The following DVL3 variants were observed in gnomAD, a reference collection of about 807,000 sequenced individuals.
DVL3 encodes segment polarity protein dishevelled homolog DVL-3.
Under a neutral mutation model 67.4 loss-of-function variants are expected in DVL3, and 27 were observed. The observed-to-expected ratio is 0.40, with a 90% CI of 0.30 to 0.55. The LOEUF (loss-of-function observed/expected upper bound fraction) is 0.55, where lower values mean the gene tolerates loss of function less well. Among genes scored for constraint, DVL3 ranks in the 20% least tolerant of loss-of-function variants. DVL3 has a pLI of 0.46. For synonymous variants in DVL3, 369 were observed against 396.8 expected (o/e 0.93, Z 0.83); for missense variants, 819 against 1,021.5 (o/e 0.80, Z 2.70).
intron 1 of DVL3, among the ~76,000 whole-genome samples, chr3:184,156,177 C>A (rs753723397): frequency 9.9e-5 from 15 of 152,180 alleles, no homozygotes; most frequent in Non-Finnish European, 1.6e-4. Context: ...TTTTTCCGCA[C>A]AGACTTGGGT....
chr3:184,163,778 G>A lies in DVL3; in HGVS notation c.231+52G>A, dbSNP rs774688011. The A allele has an allele frequency of 1.8e-5, 27 of 1,509,328 alleles. No homozygotes were observed. Among genetic ancestry groups the A allele is most frequent in the Admixed American group, 1.2e-4 (7 of 59,268 alleles). The allele number at this position is 1,509,328 out of a possible 1,614,324, so 93.5% of individuals were successfully genotyped here. ...CCTGCATCCCTGTGCTGGGCTGGAC[G>A]AGGGAAAGGCATCACTGAGATTGTA... On this transcript the variant is annotated intron_variant, in intron 2 of 14. Transcript: ENST00000313143. This position sits in a 1 kb window ranked among gnomAD's most constrained non-coding sequence, Gnocchi z 4.5.
At chr3:184,157,815 G>A (rs532355742) in intron 1 of DVL3, among the ~76,000 whole-genome samples, 1 of 152,274 alleles carries the variant, frequency 6.6e-6, no homozygotes, top group Admixed American at 6.5e-5. Flanking sequence ...GGAGGAGATG[G>A]ATTCTGTTTG....
In DVL3 at chr3:184,155,804, T is replaced by A. The variant is rs765408477; in HGVS notation, c.161+8T>A. 3 of 1,602,264 alleles carry A rather than the reference T, an allele frequency of 1.9e-6. No homozygotes were observed. The highest frequency in any genetic ancestry group is 2.7e-5 in the African/African-American group (2 of 74,452). On this transcript the variant is annotated splice_region_variant and intron_variant, in intron 1 of 14. Transcript: ENST00000313143. This position sits in a 1 kb window ranked among gnomAD's most constrained non-coding sequence, Gnocchi z 5.4. The stretch of plus-strand genomic sequence containing the variant: ...TATGGACGACGATTTCGGGTGAGGA[T>A]GGCCCCCGCCCCGCCTCCGGGAGCC...
Position 184,167,530 on chromosome 3 carries a change from C to G in DVL3, c.1199-50C>G. The G allele has an allele frequency of 1.3e-6, 2 of 1,572,996 alleles. No homozygotes were observed. The highest frequency in any genetic ancestry group is 1.1e-5 in the South Asian group (1 of 89,674). On this transcript the variant is annotated intron_variant, in intron 11 of 14. Transcript: ENST00000313143. The surrounding 1 kb of genome is among the most constrained non-coding windows in gnomAD (Gnocchi z 4.6). ...GAGCTAGAATGCAAACTCTTGTTTA[C>G]CTAACTCCAAAGCCCCTTTCTGCCT... is the stretch of plus-strand genomic sequence containing the variant.
intron 13 of DVL3, among the ~76,000 whole-genome samples, chr3:184,168,613 C>T (rs1382652209): frequency 6.6e-6 from 1 of 152,096 alleles, no homozygotes; most frequent in African/African-American, 2.4e-5. Context: ...GCTGCAGGCT[C>T]CACAGGCAGC....
At chr3:184,162,626 C>G (rs1324864118) in intron 1 of DVL3, among the ~76,000 whole-genome samples, 2 of 139,066 alleles carry the variant, frequency 1.4e-5, no homozygotes, top group African/African-American at 5.4e-5. Context: ...GTGGCGTGAT[C>G]TCAGCTCACT....
Position 184,171,475 on chromosome 3 carries a change from C to G in DVL3, c.*720C>G. Reference sequence around the variant, plus strand: ...GTGCTGGTTCCTTCAGACCCCTAACCCTACTAACCAGCAGGCTCATCTCAC... The same window carrying G: ...GTGCTGGTTCCTTCAGACCCCTAACGCTACTAACCAGCAGGCTCATCTCAC... On this transcript the variant is annotated 3_prime_UTR_variant, in exon 15 of 15. Transcript: ENST00000313143. 1.0e-6 allele frequency: 1 copy of G among 986,072 alleles called. No homozygotes were observed. The highest frequency in any genetic ancestry group is 1.2e-6 in the Non-Finnish European group (1 of 830,106). 61.1% of individuals were successfully genotyped at this position (986,072 alleles called of 1,614,324 possible). A position where few individuals can be genotyped will look rare whatever the true frequency, so the allele number is the denominator to read the frequency against.
rs921252043 is a variant in DVL3 at position 184,165,074 on chromosome 3, C to G, written c.600-39C>G. Reference sequence around the variant, plus strand: ...AGTGCCTCCCCTCATGGGGGCAGGGCTGGGCCAGCCTGGTGGGGAACGACT... The same window carrying G: ...AGTGCCTCCCCTCATGGGGGCAGGGGTGGGCCAGCCTGGTGGGGAACGACT... On this transcript the variant is annotated intron_variant, in intron 5 of 14. Transcript: ENST00000313143. The surrounding 1 kb of genome is among the most constrained non-coding windows in gnomAD (Gnocchi z 4.1). The G allele has an allele frequency of 6.2e-7, 1 of 1,613,198 alleles. No individual in the cohort carries two copies. Among genetic ancestry groups the G allele is most frequent in the Non-Finnish European group, 8.5e-7 (1 of 1,179,538 alleles).
At position 184,165,207 on chromosome 3, in the gene DVL3, G is replaced by C. The variant is rs113479634; in HGVS notation, c.693+1G>C. ...GCAGAAGGTTTCTCGGATTGAGCGG[G>C]TATGGGGTCTGGGAGGCTAGGGATG... On this transcript the variant is annotated splice_donor_variant, in intron 6 of 14. Coordinates refer to ENST00000313143, the MANE Select transcript of DVL3 (RefSeq NM_004423.4). LOFTEE classifies it high-confidence loss of function. The surrounding 1 kb of genome is among the most constrained non-coding windows in gnomAD (Gnocchi z 4.1). The C allele has an allele frequency of 6.3e-7, 1 of 1,590,224 alleles. No homozygotes were observed. The highest frequency in any genetic ancestry group is 8.6e-7 in the Non-Finnish European group (1 of 1,167,238).
Position 184,156,486 on chromosome 3 carries a change from G to T in DVL3, c.161+690G>T. On this transcript the variant is annotated intron_variant, in intron 1 of 14. Coordinates refer to ENST00000313143, the MANE Select transcript of DVL3 (RefSeq NM_004423.4). ...CTCCAATTCGGGCTTTTTTCCTCCA[G>T]TTGGTGGCCAGTGGAGAGACGTTAG... 4 of 456,720 alleles carry T rather than the reference G, an allele frequency of 8.8e-6. No individual in the cohort carries two copies. The Admixed American group carries it at 9.4e-5, about 11-fold the overall frequency. 28.3% of individuals were successfully genotyped at this position (456,720 alleles called of 1,614,324 possible). A position where few individuals can be genotyped will look rare whatever the true frequency, so the allele number is the denominator to read the frequency against.
chr3:184,164,460 G>T lies in DVL3; in HGVS notation c.354-32G>T, dbSNP rs770288075. 5.6e-6 allele frequency: 9 copies of T among 1,598,574 alleles called. No individual in the cohort carries two copies. The highest frequency in any genetic ancestry group is 1.1e-5 in the South Asian group (1 of 89,440). ...GGCTGGGGGAGGGAGCCCCCAGCCT[G>T]CCCCCTCCCCCATCAAGTCTCTTCC... On this transcript the variant is annotated intron_variant, in intron 3 of 14. Coordinates refer to ENST00000313143, the MANE Select transcript of DVL3 (RefSeq NM_004423.4). This position sits in a 1 kb window ranked among gnomAD's most constrained non-coding sequence, Gnocchi z 5.3.
chr3:184,171,031 C>A lies in DVL3; in HGVS notation c.*276C>A, dbSNP rs1183570915. 7.2e-7 allele frequency: 1 copy of A among 1,388,104 alleles called. No homozygotes were observed. The highest frequency in any genetic ancestry group is 9.4e-7 in the Non-Finnish European group (1 of 1,061,230). 86.0% of individuals were successfully genotyped at this position (1,388,104 alleles called of 1,614,324 possible). Reference sequence around the variant, plus strand: ...GACCCCTTTTGTCTCTGGGACCAGACTTGTTGGTGCTACCCCTTACTCCCC... The same window carrying A: ...GACCCCTTTTGTCTCTGGGACCAGAATTGTTGGTGCTACCCCTTACTCCCC... On this transcript the variant is annotated 3_prime_UTR_variant, in exon 15 of 15. Transcript: ENST00000313143.
Position 184,166,911 on chromosome 3 carries a change from C to A in DVL3, c.1134C>A (p.Ser378Arg), listed in dbSNP as rs758989600. ...MTGTFPAYGM[S>R]PSLSTITSTS... ...GCACCTTCCCTGCATACGGCATGAG[C>A]CCCTCCCTGAGCACCATCACCTCCA... The change falls in exon 11 of 15, where the codon AGC becomes AGA. Residue 378 changes from serine to arginine, a missense_variant. Physicochemically the swap from Ser to Arg is moderately radical, Grantham distance 110. Around this residue, in one of 3 missense-constraint regions of DVL3, gnomAD observed 110 missense variants for 203.4 expected, o/e 0.54. Coordinates refer to ENST00000313143, the MANE Select transcript of DVL3 (RefSeq NM_004423.4). The surrounding 1 kb of genome is among the most constrained non-coding windows in gnomAD (Gnocchi z 6.7). The A allele has an allele frequency of 1.2e-6, 2 of 1,614,052 alleles. No individual in the cohort carries two copies. The highest frequency in any genetic ancestry group is 2.7e-5 in the African/African-American group (2 of 74,888).
rs772430635 is a variant in DVL3 at position 184,164,340 on chromosome 3, C to T, written c.305C>T (p.Pro102Leu). 1.2e-6 allele frequency: 2 copies of T among 1,614,140 alleles called. No homozygotes were observed. Among genetic ancestry groups the T allele is most frequent in the Non-Finnish European group, 1.7e-6 (2 of 1,179,992 alleles). Residue 102 changes from proline (P) to leucine (L), a missense_variant, in exon 3 of 15, where the codon CCT becomes CTT. Transcript: ENST00000313143. This position sits in a 1 kb window ranked among gnomAD's most constrained non-coding sequence, Gnocchi z 5.3. Reference sequence around the variant, plus strand: ...GATAACCCATCGGAGCTGCCACCACCTATGGAGCGCACGGGAGGCATCGGG... The same window carrying T: ...GATAACCCATCGGAGCTGCCACCACTTATGGAGCGCACGGGAGGCATCGGG... ...CADNPSELPP[P>L]MERTGGIGDS...
rs768782292 is a variant in DVL3, at chr3:184,170,564, G to A, written c.1960G>A (p.Gly654Ser). Residue 654 changes from glycine (G) to serine (S), a missense_variant, in exon 15 of 15, where the codon GGT becomes AGT. Physicochemically the swap from Gly to Ser is moderately conservative, Grantham distance 56. Coordinates refer to ENST00000313143, the MANE Select transcript of DVL3 (RefSeq NM_004423.4). The surrounding 1 kb of genome is among the most constrained non-coding windows in gnomAD (Gnocchi z 6.5). ...CAGCCACCACACACACCCGAGCTAC[G>A]GTCCTCCCGGAGTGCCCCCTCTCTA... is the stretch of plus-strand genomic sequence containing the variant. ...LRSHHTHPSY[G>S]PPGVPPLYGP... 5.6e-6 allele frequency: 9 copies of A among 1,612,556 alleles called. No individual in the cohort carries two copies. The Admixed American group carries it at 1.2e-4, about 21-fold the overall frequency.
chr3:184,170,534 C>A lies in DVL3; in HGVS notation c.1930C>A (p.Leu644Ile), dbSNP rs1459015155. 1.2e-6 allele frequency: 2 copies of A among 1,611,344 alleles called. No individual in the cohort carries two copies. The highest frequency in any genetic ancestry group is 2.2e-5 in the East Asian group (1 of 44,766). ...HRSHHSLASSLRSHHTHPSYG... is the reference protein window; with the variant it reads ...HRSHHSLASSIRSHHTHPSYG... ...CAGCCACCATTCCCTGGCCAGCAGC[C>A]TTCGCAGCCACCACACACACCCGAG... The change falls in exon 15 of 15, where the codon CTT (leucine) becomes ATT (isoleucine). Residue 644 changes from leucine to isoleucine, a missense_variant. Leu to Ile is a conservative substitution (Grantham distance 5, BLOSUM62 2). Around this residue, in one of 3 missense-constraint regions of DVL3, gnomAD observed 324 missense variants for 331.3 expected, o/e 0.98. Coordinates refer to ENST00000313143, the MANE Select transcript of DVL3 (RefSeq NM_004423.4). This position sits in a 1 kb window ranked among gnomAD's most constrained non-coding sequence, Gnocchi z 6.5.
chr3:184,159,755 C>T (rs1714316692), intron 1 of DVL3, among the ~76,000 whole-genome samples: 1 of 152,108 alleles, frequency 6.6e-6, no homozygotes, highest in Non-Finnish European at 1.5e-5. Flanking sequence ...CAACCACTTC[C>T]TGGATTGCAG....
chr3:184,164,842 A>G lies in DVL3; in HGVS notation c.510A>G (p.Pro170=). The G allele has an allele frequency of 6.2e-7, 1 of 1,614,156 alleles. No homozygotes were observed. ...CGAAGGGGGAACGGCGGCGAGAACC[A>G]GGGGGTTATGATAGCTCATCCACCC... ...GTAKGERRRE[P]GGYDSSSTLM... Residue 170 remains proline, a synonymous_variant, in exon 5 of 15, where the codon CCA becomes CCG. Transcript: ENST00000313143. The surrounding 1 kb of genome is among the most constrained non-coding windows in gnomAD (Gnocchi z 5.3).
At chr3:184,168,128 A>G in intron 13 of DVL3, 63 bp downstream of exon 13, 1 of 1,567,474 alleles carries the variant, frequency 6.4e-7, no homozygotes, top group Non-Finnish European at 8.7e-7. Flanking sequence ...TAGCCAGGGA[A>G]GTGGCAGCAG....
Sources: gnomAD v4.1 joint callset for allele counts (sites outside exome capture counted in the v4.1 genomes callset) on GRCh38, gnomAD v4.1.1 for gene constraint, gnomAD v4.1.1 regional missense constraint, Gnocchi (gnomAD v3.1) non-coding constraint, MANE v1.5 for transcripts, NCBI Gene and HGNC (gene_info 2026-07-23, HGNC 2026-07-21) for gene names.